The following PREX1 variants were observed in gnomAD, a reference collection of about 807,000 sequenced individuals.
PREX1 encodes the protein phosphatidylinositol-3,4,5-trisphosphate dependent Rac exchange factor 1.
In PREX1, 41 loss-of-function variants were observed where a neutral mutation model predicts 198.3. The ratio of observed to expected loss-of-function variants is 0.21; its 90% CI spans 0.16 to 0.27. The LOEUF is 0.27. PREX1 is among the 10% of genes least tolerant of loss of function. The pLI, the probability that PREX1 is intolerant of heterozygous loss-of-function variation, is 1.00. For missense variants in PREX1, 1,620 were observed against 2,200.7 expected, an observed-to-expected ratio of 0.74 and a Z score of 5.28; for synonymous variants, 843 against 887.2, an observed-to-expected ratio of 0.95 and a Z score of 0.89.
Position 48,802,556 on chromosome 20 carries a change from C to T in PREX1, c.219+25086G>A, listed in dbSNP as rs141740522. ...TGATCATCAGATCCAAAACAGCCCC[C>T]GACTCTAATTCATATCTCTGTGTTA... On this transcript the variant is annotated intron_variant, in intron 1 of 39. Transcript: ENST00000371941. Among the ~76,000 whole-genome samples, 17 of 152,310 alleles carry T rather than the reference C, an allele frequency of 1.1e-4. No individual in the cohort carries two copies. In the East Asian group the frequency reaches 2.5e-3, roughly 22 times the overall value.
intron 36 of PREX1, 53 bp from the exon 37 acceptor site, chr20:48,629,674 C>T (rs1601025382): frequency 6.3e-7 from 1 of 1,576,174 alleles, no homozygotes. Context: ...CTCACAGCCC[C>T]TCAGCCCCCA....
Position 48,625,804 on chromosome 20 carries a change from TG to T in PREX1, c.*80del. ...GGCTGCGGAAGCCTTGGGCCATCCCTGGAGAAGGCCAGCGCTGCCTGCTGTG... is the reference window on the plus strand; with the variant it reads ...GGCTGCGGAAGCCTTGGGCCATCCCTGAGAAGGCCAGCGCTGCCTGCTGTG... On this transcript the variant is annotated 3_prime_UTR_variant, in exon 40 of 40. Transcript: ENST00000371941. 7.0e-7 allele frequency: 1 copy of T among 1,421,504 alleles called. No homozygotes were observed. The highest frequency in any genetic ancestry group is 9.4e-7 in the Non-Finnish European group (1 of 1,063,420). 88.1% of individuals were successfully genotyped at this position (1,421,504 alleles called of 1,614,324 possible).
chr20:48,811,007 G>A (rs1036948432), intron 1 of PREX1, among the ~76,000 whole-genome samples: 1 of 152,176 alleles, frequency 6.6e-6, no homozygotes, highest in Non-Finnish European at 1.5e-5. Context: ...GTGGCTAAAT[G>A]AAGACTGAAG....
At chr20:48,744,423 A>G (rs910859697) in intron 3 of PREX1, among the ~76,000 whole-genome samples, 2 of 152,204 alleles carry the variant, frequency 1.3e-5, no homozygotes, top group African/African-American at 4.8e-5. Flanking sequence ...CCGTGAGGCT[A>G]GCTTGGGTTC....
intron 1 of PREX1, among the ~76,000 whole-genome samples, chr20:48,752,674 G>A (rs765229773): frequency 2.6e-5 from 4 of 152,070 alleles, no homozygotes; most frequent in Admixed American, 6.6e-5. Flanking sequence ...ATGGTAACCC[G>A]CTTGATGACA....
chr20:48,683,220 G>A (rs935353591), intron 10 of PREX1, among the ~76,000 whole-genome samples: 3 of 152,202 alleles, frequency 2.0e-5, no homozygotes, highest in South Asian at 2.1e-4. Context: ...ATTGGGGGCC[G>A]CCTCTGGCAC....
chr20:48,831,834 A>G (rs745861725), upstream of PREX1, among the ~76,000 whole-genome samples: 5 of 152,258 alleles, frequency 3.3e-5, no homozygotes, highest in African/African-American at 1.2e-4. Context: ...CAGGGGCCTC[A>G]GCCTTGGCGG....
chr20:48,795,086 T>C (rs118184891), intron 1 of PREX1, among the ~76,000 whole-genome samples: 1,943 of 152,262 alleles, frequency 0.013, 11 homozygotes, highest in Non-Finnish European at 0.021. Flanking sequence ...GTGTCATGTA[T>C]GTATTTGATG....
chr20:48,668,846 G>A (rs2089657127), intron 14 of PREX1, among the ~76,000 whole-genome samples: 1 of 152,212 alleles, frequency 6.6e-6, no homozygotes, highest in African/African-American at 2.4e-5. Flanking sequence ...GAGGCCAGCA[G>A]GGCCCAATGG....
At chr20:48,719,550 C>T (rs1427455316) in intron 5 of PREX1, among the ~76,000 whole-genome samples, 1 of 152,098 alleles carries the variant, frequency 6.6e-6, no homozygotes, top group East Asian at 1.9e-4. Context: ...GGTGACAATG[C>T]CCGATCCCCA....
At chr20:48,863,874 T>C in the PREX1 span, among the ~76,000 whole-genome samples, 21 of 152,208 alleles carry the variant, frequency 1.4e-4, no homozygotes, top group African/African-American at 5.1e-4. Flanking sequence ...TGAGCCACTG[T>C]GCCCAGCCCA....
intron 5 of PREX1, among the ~76,000 whole-genome samples, chr20:48,722,750 G>A (rs1187086190): frequency 2.0e-5 from 3 of 152,192 alleles, no homozygotes; most frequent in Non-Finnish European, 4.4e-5. Flanking sequence ...CCCTGAGACA[G>A]GGTATGTCCC....
chr20:48,882,931 C>CTTT, the PREX1 span, among the ~76,000 whole-genome samples: 54 of 123,680 alleles, frequency 4.4e-4, 1 homozygote, highest in African/African-American at 5.9e-4. Flanking sequence ...TTGGGTTGTC[C>CTTT]TTTTTTTTTT....
intron 6 of PREX1, among the ~76,000 whole-genome samples, chr20:48,704,070 G>C (rs867457218): frequency 6.6e-6 from 1 of 152,234 alleles, no homozygotes; most frequent in Non-Finnish European, 1.5e-5. Flanking sequence ...GCCACGCACT[G>C]TTCTAAATAT....
At chr20:48,637,539 T>C (rs2089374338) in intron 31 of PREX1, among the ~76,000 whole-genome samples, 172 bp downstream of exon 31, 1 of 152,346 alleles carries the variant, frequency 6.6e-6, no homozygotes, top group East Asian at 1.9e-4. Context: ...TCCAGTGCCC[T>C]GAGACTTGTC....
At chr20:48,784,670 A>C (rs146551839) in intron 1 of PREX1, among the ~76,000 whole-genome samples, 26 of 152,264 alleles carry the variant, frequency 1.7e-4, no homozygotes, top group African/African-American at 5.3e-4. Context: ...CGACCTGCCC[A>C]CAGGAACTGG....
intron 1 of PREX1, among the ~76,000 whole-genome samples, chr20:48,786,209 G>C (rs925430520): frequency 6.6e-6 from 1 of 152,164 alleles, no homozygotes; most frequent in African/African-American, 2.4e-5. Flanking sequence ...TGGCATGCTG[G>C]GGGCGGGGGG....
chr20:48,710,430 C>T (rs2089925025), intron 5 of PREX1, among the ~76,000 whole-genome samples: 1 of 152,184 alleles, frequency 6.6e-6, no homozygotes, highest in Non-Finnish European at 1.5e-5. Context: ...TAATACTCAG[C>T]AAGCCCTCAA....
intron 1 of PREX1, among the ~76,000 whole-genome samples, chr20:48,810,268 C>G (rs775942409): frequency 1.2e-4 from 18 of 151,980 alleles, no homozygotes; most frequent in Admixed American, 2.6e-4. Context: ...ATTCCTCTGT[C>G]CTCTTAATTC....
Sources: gnomAD v4.1 joint callset for allele counts (sites outside exome capture counted in the v4.1 genomes callset) on GRCh38, gnomAD v4.1.1 for gene constraint, MANE v1.5 for transcripts, NCBI Gene and HGNC (gene_info 2026-07-23, HGNC 2026-07-21) for gene names.